Variants in CDC42SE2 observed in about 807,000 individuals in gnomAD.
CDC42SE2 encodes the protein CDC42 small effector protein 2.
Under a neutral mutation model 11.5 loss-of-function variants are expected in CDC42SE2, and 3 were observed. That is an observed-to-expected ratio of 0.26 (90% confidence interval 0.12 to 0.67). CDC42SE2 has a LOEUF of 0.67. Ranked by LOEUF, CDC42SE2 falls within the 30% of genes least tolerant of loss-of-function variation. The probability of loss-of-function intolerance (pLI) is 0.80; values close to 1 mark genes in which losing one functional copy is unlikely to be tolerated. For missense variants in CDC42SE2, 82 were observed against 106.8 expected (o/e 0.77, Z 1.02); for synonymous variants, 33 against 34.8 (o/e 0.95, Z 0.18).
chr5:131,310,962 G>A (rs1427047082), intron 1 of CDC42SE2, among the ~76,000 whole-genome samples: 1 of 150,968 alleles, frequency 6.6e-6, no homozygotes, highest in Non-Finnish European at 1.5e-5. Context: ...ATATTGTTAT[G>A]TGTGAATTTG....
chr5:131,342,857 C>T (rs1028540853), intron 2 of CDC42SE2, among the ~76,000 whole-genome samples: 16 of 151,958 alleles, frequency 1.1e-4, no homozygotes, highest in Non-Finnish European at 7.4e-5. Flanking sequence ...GGACTACAGG[C>T]ATGTGCCGCC....
chr5:131,254,086 C>A (rs1054072689), intron 1 of CDC42SE2, among the ~76,000 whole-genome samples: 1 of 152,078 alleles, frequency 6.6e-6, no homozygotes, highest in East Asian at 1.9e-4. Flanking sequence ...GCACAACGTG[C>A]GGGTTTGTTA....
chr5:131,265,733 G>T (rs575884861), intron 1 of CDC42SE2, among the ~76,000 whole-genome samples: 1 of 152,158 alleles, frequency 6.6e-6, no homozygotes, highest in South Asian at 2.1e-4. Context: ...AAAATTATTG[G>T]GTTAAGCTTT....
the CDC42SE2 span, among the ~76,000 whole-genome samples, chr5:131,232,098 C>G: frequency 6.6e-6 from 1 of 151,538 alleles, no homozygotes; most frequent in African/African-American, 2.4e-5. Context: ...CCTAGAATTA[C>G]TGTACATTTG....
At chr5:131,270,050 G>C (rs1180231825) in intron 1 of CDC42SE2, among the ~76,000 whole-genome samples, 1 of 151,092 alleles carries the variant, frequency 6.6e-6, no homozygotes, top group African/African-American at 2.4e-5. Flanking sequence ...GATGGAGCAA[G>C]AGTATCTCAA....
upstream of CDC42SE2, among the ~76,000 whole-genome samples, chr5:131,259,379 C>T (rs921219170): frequency 3.3e-5 from 5 of 152,074 alleles, no homozygotes; most frequent in African/African-American, 1.2e-4. Flanking sequence ...GAAAAAAATA[C>T]TAAATTCCAA....
intron 2 of CDC42SE2, among the ~76,000 whole-genome samples, chr5:131,344,197 C>CG (rs1159358407): frequency 6.6e-6 from 1 of 152,112 alleles, no homozygotes; most frequent in East Asian, 1.9e-4. Flanking sequence ...CGGAGCAGGG[C>CG]GGGGCATCGC....
intron 3 of CDC42SE2, among the ~76,000 whole-genome samples, chr5:131,373,584 G>A (rs982853554): frequency 3.9e-5 from 6 of 152,224 alleles, no homozygotes; most frequent in African/African-American, 1.4e-4. Context: ...TGAATTTACA[G>A]TTGAACATGA....
chr5:131,354,774 G>A (rs1258111270), intron 2 of CDC42SE2: 2 of 152,040 alleles, frequency 1.3e-5, no homozygotes, highest in African/African-American at 2.4e-5. Flanking sequence ...TACAAGGTGA[G>A]CATCCAAATC....
intron 2 of CDC42SE2, among the ~76,000 whole-genome samples, chr5:131,335,391 G>A (rs574921141): frequency 4.3e-4 from 65 of 152,296 alleles, no homozygotes; most frequent in African/African-American, 1.4e-3. Flanking sequence ...TTCCAAGTAT[G>A]TGGTCAATTT....
intron 1 of CDC42SE2, among the ~76,000 whole-genome samples, chr5:131,302,201 C>T (rs1371292535): frequency 1.3e-5 from 2 of 149,800 alleles, no homozygotes; most frequent in East Asian, 2.0e-4. Context: ...TTTTTTGAGA[C>T]GGAGTTTTGC....
At chr5:131,333,523 T>A (rs1164531814) in intron 2 of CDC42SE2, among the ~76,000 whole-genome samples, 1 of 152,188 alleles carries the variant, frequency 6.6e-6, no homozygotes, top group African/African-American at 2.4e-5. Context: ...GGTAGATTGA[T>A]GGGGATGGCA....
intron 1 of CDC42SE2, among the ~76,000 whole-genome samples, chr5:131,310,158 G>A (rs373490164): frequency 0.012 from 1,753 of 151,736 alleles, 34 homozygotes; most frequent in African/African-American, 0.04. Flanking sequence ...CTTTGTTCTC[G>A]TTGGTTTCAA....
chr5:131,382,530 G>C (rs926560280), intron 3 of CDC42SE2, among the ~76,000 whole-genome samples: 2 of 152,206 alleles, frequency 1.3e-5, no homozygotes, highest in Non-Finnish European at 2.9e-5. Flanking sequence ...GCTTCTGCAG[G>C]TTCACAGGAC....
Position 131,280,198 on chromosome 5 carries a change from C to T in CDC42SE2, c.-455+16032C>T, listed in dbSNP as rs79115241. ...AAATATGGGGTCTACATTTCTTACCCTTTAACTGAAATTATTCTCTTTTAT... is the reference window on the plus strand; with the variant it reads ...AAATATGGGGTCTACATTTCTTACCTTTTAACTGAAATTATTCTCTTTTAT... On this transcript the variant is annotated intron_variant, in intron 1 of 4. Coordinates refer to ENST00000505065, the MANE Select transcript of CDC42SE2 (RefSeq NM_001375635.1). 6.5e-3 allele frequency among the ~76,000 whole-genome samples: 991 copies of T among 152,270 alleles called. 40 individuals carry two copies. Among genetic ancestry groups the T allele is most frequent in the East Asian group, 0.055 (286 of 5,190 alleles).
At chr5:131,262,375 T>C (rs1561563483), upstream of CDC42SE2, among the ~76,000 whole-genome samples, 3 of 151,990 alleles carry the variant, frequency 2.0e-5, no homozygotes, top group East Asian at 3.9e-4. Context: ...ATAAAGATCT[T>C]ATGGTTAACT....
intron 2 of CDC42SE2, among the ~76,000 whole-genome samples, chr5:131,320,734 C>T (rs976229257): frequency 1.2e-4 from 18 of 151,944 alleles, no homozygotes; most frequent in Non-Finnish European, 1.8e-4. Flanking sequence ...GAGCGAGACT[C>T]TGTCTCAAAA....
intron 1 of CDC42SE2, among the ~76,000 whole-genome samples, chr5:131,250,371 T>C (rs1263373187): frequency 2.0e-5 from 3 of 152,218 alleles, no homozygotes; most frequent in African/African-American, 7.2e-5. Context: ...GAATAGGTTC[T>C]ACACTATTAC....
chr5:131,336,790 C>T lies in CDC42SE2; in HGVS notation c.-286+20646C>T, dbSNP rs529124559. On this transcript the variant is annotated intron_variant, in intron 2 of 4. Transcript: ENST00000505065. Reference sequence around the variant, plus strand: ...GTTACTGAGGCTTGTGCATTCGTCACATAGTCCTTGTGCTGTGGTTTTCAG... The same window carrying T: ...GTTACTGAGGCTTGTGCATTCGTCATATAGTCCTTGTGCTGTGGTTTTCAG... Among the ~76,000 whole-genome samples the T allele has an allele frequency of 9.7e-4, 148 of 152,348 alleles. 4 individuals are homozygous for T. The South Asian group carries it at 0.029, about 30-fold the overall frequency.
Sources: allele counts gnomAD v4.1 joint callset (sites outside exome capture counted in the v4.1 genomes callset), GRCh38; gene constraint gnomAD v4.1.1; transcripts MANE v1.5; gene names NCBI Gene and HGNC (gene_info 2026-07-23, HGNC 2026-07-21).